The following CSMD1 variants were observed in gnomAD, a reference collection of about 807,000 sequenced individuals.
The protein encoded by CSMD1 is CUB and sushi domain-containing protein 1.
CSMD1 carries 213 observed loss-of-function variants against 417.5 expected under a neutral mutation model. The ratio of observed to expected loss-of-function variants is 0.51; its 90% CI spans 0.46 to 0.57. The LOEUF is 0.57. CSMD1 is among the 20% of genes least tolerant of loss of function. The pLI is 0.00. For synonymous variants in CSMD1, 2,862 were observed against 1,736.8 expected (o/e 1.65, Z -16.11); for missense variants, 6,923 against 4,529.7 (o/e 1.53, Z -15.17).
At chr8:3,104,697 T>C (rs2406584) in intron 46 of CSMD1, among the ~76,000 whole-genome samples, 108,110 of 146,458 alleles carry the variant, frequency 0.74, 40,518 homozygotes, top group East Asian at 0.96. Context: ...TATCAGACTT[T>C]TTTTTTTCTT....
At chr8:3,776,996 G>A (rs528448843) in intron 5 of CSMD1, among the ~76,000 whole-genome samples, 18 of 151,830 alleles carry the variant, frequency 1.2e-4, no homozygotes, top group African/African-American at 3.4e-4. Flanking sequence ...TTACATGCAT[G>A]ACCCCCCACA....
intron 52 of CSMD1, among the ~76,000 whole-genome samples, chr8:3,015,760 G>A (rs892725117): frequency 2.6e-5 from 4 of 152,074 alleles, no homozygotes; most frequent in South Asian, 2.1e-4. Context: ...CAAAAGAGCC[G>A]TAACCATGGA....
At chr8:4,254,802 G>A (rs1386394919) in intron 3 of CSMD1, among the ~76,000 whole-genome samples, 1 of 152,084 alleles carries the variant, frequency 6.6e-6, no homozygotes, top group Non-Finnish European at 1.5e-5. Flanking sequence ...AAGGTGACAG[G>A]CTGCACCCCA....
At chr8:4,069,112 C>A (rs1799410957) in intron 3 of CSMD1, among the ~76,000 whole-genome samples, 1 of 152,008 alleles carries the variant, frequency 6.6e-6, no homozygotes, top group Admixed American at 6.6e-5. Context: ...ATTTTGATTT[C>A]CTGAAGGGAA....
At chr8:4,470,276 G>A (rs1002711348) in intron 2 of CSMD1, among the ~76,000 whole-genome samples, 2 of 152,070 alleles carry the variant, frequency 1.3e-5, no homozygotes, top group African/African-American at 2.4e-5. Context: ...TCTATCCCGA[G>A]CCTTCTCCCT....
chr8:4,888,561 C>G (rs1386806547), intron 1 of CSMD1, among the ~76,000 whole-genome samples: 1 of 151,652 alleles, frequency 6.6e-6, no homozygotes, highest in African/African-American at 2.4e-5. Context: ...AGTCTATGGA[C>G]CCCTGTACCC....
intron 1 of CSMD1, among the ~76,000 whole-genome samples, chr8:4,746,993 G>A (rs972998726): frequency 6.6e-6 from 1 of 152,152 alleles, no homozygotes; most frequent in Admixed American, 6.6e-5. Context: ...TTCTCAAGCA[G>A]GGAACTCGTG....
At chr8:3,666,809 C>T (rs542999004) in intron 7 of CSMD1, among the ~76,000 whole-genome samples, 6 of 152,028 alleles carry the variant, frequency 3.9e-5, no homozygotes, top group African/African-American at 1.2e-4. Context: ...CCTCCTCAGC[C>T]ATGTGGAACT....
At chr8:3,075,689 C>A (rs1230616531) in intron 49 of CSMD1, among the ~76,000 whole-genome samples, 1 of 151,696 alleles carries the variant, frequency 6.6e-6, no homozygotes, top group African/African-American at 2.4e-5. Flanking sequence ...ATTTTTTTGT[C>A]CCTTCCTTTT....
chr8:4,324,000 G>A (rs934991107), intron 3 of CSMD1, among the ~76,000 whole-genome samples: 2 of 152,140 alleles, frequency 1.3e-5, no homozygotes, highest in African/African-American at 4.8e-5. Flanking sequence ...TGTGATCCTG[G>A]GAATGGCAGG....
chr8:4,877,110 G>T (rs911477666), intron 1 of CSMD1, among the ~76,000 whole-genome samples: 2 of 151,948 alleles, frequency 1.3e-5, no homozygotes, highest in African/African-American at 4.8e-5. Flanking sequence ...CATTTATAAA[G>T]ATTTAAGTTT....
At chr8:3,900,521 C>G (rs895426225) in intron 5 of CSMD1, among the ~76,000 whole-genome samples, 1 of 151,122 alleles carries the variant, frequency 6.6e-6, no homozygotes, top group African/African-American at 2.4e-5. Flanking sequence ...CTGGATGACA[C>G]TACAGCTGGG....
At chr8:4,760,294 G>A (rs973556458) in intron 1 of CSMD1, among the ~76,000 whole-genome samples, 1 of 152,204 alleles carries the variant, frequency 6.6e-6, no homozygotes, top group Non-Finnish European at 1.5e-5. Flanking sequence ...GGCATGTGAA[G>A]ATAATTCTTC....
At chr8:4,652,864 A>G (rs999192286) in intron 1 of CSMD1, among the ~76,000 whole-genome samples, 2 of 152,074 alleles carry the variant, frequency 1.3e-5, no homozygotes, top group Non-Finnish European at 2.9e-5. Flanking sequence ...CACCGTTCAC[A>G]ATAGGGTTCA....
intron 33 of CSMD1, among the ~76,000 whole-genome samples, chr8:3,199,111 T>G (rs191082513): frequency 6.6e-6 from 1 of 152,322 alleles, no homozygotes; most frequent in African/African-American, 2.4e-5. Context: ...GAAAATTCTT[T>G]ACTTTGCAGA....
intron 10 of CSMD1, among the ~76,000 whole-genome samples, chr8:3,558,036 G>T (rs1419879664): frequency 1.3e-5 from 2 of 150,706 alleles, no homozygotes; most frequent in African/African-American, 4.9e-5. Context: ...TGCCTCAGAA[G>T]TAACCCGTGT....
intron 3 of CSMD1, among the ~76,000 whole-genome samples, chr8:4,301,818 C>T (rs1403169700): frequency 1.3e-5 from 2 of 152,182 alleles, no homozygotes; most frequent in African/African-American, 4.8e-5. Context: ...TCATTGTCCC[C>T]ATAAACTTTT....
intron 7 of CSMD1, among the ~76,000 whole-genome samples, chr8:3,629,119 C>T (rs1341976949): frequency 4.6e-5 from 7 of 152,006 alleles, no homozygotes; most frequent in Admixed American, 2.6e-4. Context: ...GAGGAGACAC[C>T]TCAGGCATGA....
intron 3 of CSMD1, among the ~76,000 whole-genome samples, chr8:4,110,656 G>C (rs369580043): frequency 3.4e-4 from 52 of 152,144 alleles, no homozygotes; most frequent in Middle Eastern, 6.8e-3. Flanking sequence ...GTGCATGTGT[G>C]TGTTTCTATA....
Sources: gnomAD v4.1 joint callset for allele counts (sites outside exome capture counted in the v4.1 genomes callset) on GRCh38, gnomAD v4.1.1 for gene constraint, MANE v1.5 for transcripts, NCBI Gene and HGNC (gene_info 2026-07-23, HGNC 2026-07-21) for gene names.